The following MBOAT2 variants were observed in gnomAD, a reference collection of about 807,000 sequenced individuals.
The protein encoded by MBOAT2 is membrane-bound glycerophospholipid O-acyltransferase 2.
A neutral mutation model predicts 63.4 loss-of-function variants in MBOAT2; 28 were observed. The observed-to-expected ratio is 0.44, with a 90% confidence interval of 0.33 to 0.61. The LOEUF is 0.61. MBOAT2 is among the 20% of genes least tolerant of loss of function. The probability of loss-of-function intolerance (pLI) is 0.03; values close to 1 mark genes in which losing one functional copy is unlikely to be tolerated. For synonymous variants in MBOAT2, 211 were observed against 215.6 expected, an observed-to-expected ratio of 0.98 and a Z score of 0.19; for missense variants, 470 against 605.8, an observed-to-expected ratio of 0.78 and a Z score of 2.35.
chr2:8,913,480 G>GA (rs564403901), intron 3 of MBOAT2, among the ~76,000 whole-genome samples: 5 of 150,274 alleles, frequency 3.3e-5, no homozygotes, highest in Non-Finnish European at 7.4e-5. Flanking sequence ...CAATCAGTAA[G>GA]AAAAAAAACA....
In MBOAT2 at chr2:8,888,024, G is replaced by A; in HGVS notation, c.445C>T (p.His149Tyr). 2 of 1,612,938 alleles carry A rather than the reference G, an allele frequency of 1.2e-6. No homozygotes were observed. The highest frequency in any genetic ancestry group is 4.5e-5 in the East Asian group (2 of 44,796). Residue 149 changes from histidine (H) to tyrosine (Y), a missense_variant, in exon 5 of 13, where the codon CAT becomes TAT. Physicochemically the swap from His to Tyr is moderately conservative, Grantham distance 83. This residue lies in a region of MBOAT2 where 376 missense variants were observed against 503.8 expected (regional missense o/e 0.75). Coordinates refer to ENST00000305997, the MANE Select transcript of MBOAT2 (RefSeq NM_138799.4). ...TTAATTTCAGAATTCTTACCATCAT[G>A]AATTTCGCAAGCCAAACTAGTGATC... Reference protein sequence around the residue: ...QKITSLACEIHDGMFRKDEEL... With the variant: ...QKITSLACEIYDGMFRKDEEL...
chr2:8,961,266 T>A (rs77611590), intron 1 of MBOAT2, among the ~76,000 whole-genome samples: 242 of 152,320 alleles, frequency 1.6e-3, no homozygotes, highest in African/African-American at 5.6e-3. Context: ...AGTGAGGCAC[T>A]ATCTTCCGCC....
chr2:8,988,135 G>A (rs1671687082), intron 1 of MBOAT2, among the ~76,000 whole-genome samples: 1 of 152,154 alleles, frequency 6.6e-6, no homozygotes, highest in Non-Finnish European at 1.5e-5. Flanking sequence ...AGGTACAGAT[G>A]AACTGAACTT....
intron 3 of MBOAT2, among the ~76,000 whole-genome samples, chr2:8,935,348 T>G (rs547402973): frequency 4.3e-4 from 65 of 152,294 alleles, no homozygotes; most frequent in African/African-American, 1.4e-3. Flanking sequence ...TAGAACAGAA[T>G]ACAACAGATA....
intron 7 of MBOAT2, among the ~76,000 whole-genome samples, chr2:8,876,575 G>T (rs1309264883): frequency 2.0e-5 from 3 of 152,074 alleles, no homozygotes; most frequent in African/African-American, 7.2e-5. Flanking sequence ...AGAGAAGAAA[G>T]ATTTCAACTT....
At chr2:8,869,713 C>G (rs1662174672) in intron 8 of MBOAT2, among the ~76,000 whole-genome samples, 1 of 152,180 alleles carries the variant, frequency 6.6e-6, no homozygotes, top group African/African-American at 2.4e-5. Flanking sequence ...ATATGAGCCT[C>G]TAAGGTAAGC....
Position 8,858,958 on chromosome 2 carries a change from T to C in MBOAT2, c.1338-54A>G, listed in dbSNP as rs531819505. 57 of 1,299,190 alleles carry C rather than the reference T, an allele frequency of 4.4e-5. No homozygotes were observed. In the East Asian group the frequency reaches 1.2e-3, roughly 27 times the overall value. The allele number at this position is 1,299,190 out of a possible 1,614,324, so 80.5% of individuals were successfully genotyped here. A position where few individuals can be genotyped will look rare whatever the true frequency, so the allele number is the denominator to read the frequency against. On this transcript the variant is annotated intron_variant, in intron 12 of 12. Transcript: ENST00000305997. ...AAACTTGATAATTAATAATCCTTAA[T>C]AACTGCACACTTGTCAAAATGTCAC... is the stretch of plus-strand genomic sequence containing the variant.
intron 4 of MBOAT2, among the ~76,000 whole-genome samples, chr2:8,901,605 T>C (rs561283718): frequency 5.9e-5 from 9 of 152,302 alleles, no homozygotes; most frequent in African/African-American, 1.9e-4. Flanking sequence ...TCCTCACTTA[T>C]ATGAATAGGA....
chr2:8,983,262 G>A (rs1671326873), intron 1 of MBOAT2, among the ~76,000 whole-genome samples: 1 of 152,088 alleles, frequency 6.6e-6, no homozygotes, highest in Non-Finnish European at 1.5e-5. Flanking sequence ...CTAAAGTAAG[G>A]AAGAATAAAA....
At chr2:8,955,125 C>G (rs1375462804) in intron 2 of MBOAT2, among the ~76,000 whole-genome samples, 1 of 152,204 alleles carries the variant, frequency 6.6e-6, no homozygotes, top group Non-Finnish European at 1.5e-5. Context: ...AGCAGGTGCT[C>G]TAATCTCTGG....
intron 1 of MBOAT2, among the ~76,000 whole-genome samples, chr2:8,971,649 G>A (rs191972903): frequency 3.2e-4 from 48 of 152,322 alleles, no homozygotes; most frequent in African/African-American, 1.1e-3. Context: ...TCCTTAAGCT[G>A]ATAAGCAACT....
At chr2:8,948,301 A>C (rs1199986629) in intron 2 of MBOAT2, among the ~76,000 whole-genome samples, 1 of 152,228 alleles carries the variant, frequency 6.6e-6, no homozygotes, top group African/African-American at 2.4e-5. Context: ...CTCCTGGTAA[A>C]GATACTGTGA....
chr2:8,986,225 A>C (rs1671555296), intron 1 of MBOAT2, among the ~76,000 whole-genome samples: 1 of 151,826 alleles, frequency 6.6e-6, no homozygotes, highest in Admixed American at 6.6e-5. Context: ...AAAAAAAAAA[A>C]AAGTAAAGTC....
chr2:8,998,760 CT>C (rs1220984410), intron 1 of MBOAT2, among the ~76,000 whole-genome samples: 3 of 152,124 alleles, frequency 2.0e-5, no homozygotes, highest in Non-Finnish European at 4.4e-5. Flanking sequence ...TCAGTGTCGA[CT>C]TCAGGGACCT....
intron 4 of MBOAT2, among the ~76,000 whole-genome samples, chr2:8,895,501 G>A (rs745428563): frequency 5.3e-5 from 8 of 152,106 alleles, no homozygotes; most frequent in South Asian, 2.1e-4. Flanking sequence ...GACACAGAGC[G>A]CTGATTGGTG....
intron 2 of MBOAT2, among the ~76,000 whole-genome samples, chr2:8,945,444 T>C (rs1289927684): frequency 6.6e-6 from 1 of 152,216 alleles, no homozygotes; most frequent in Non-Finnish European, 1.5e-5. Flanking sequence ...TTGATGGGGT[T>C]ATCTAGCACG....
At chr2:8,994,743 C>G (rs1002587021) in intron 1 of MBOAT2, among the ~76,000 whole-genome samples, 1 of 152,026 alleles carries the variant, frequency 6.6e-6, no homozygotes. Context: ...GCAAGATACC[C>G]AAAAAGGGAG....
intron 4 of MBOAT2, among the ~76,000 whole-genome samples, chr2:8,892,070 TAGGATTTGGTTCTATTACAC>T (rs987768998): frequency 2.1e-4 from 32 of 152,318 alleles, no homozygotes; most frequent in African/African-American, 7.2e-4. Flanking sequence ...ACAAGAATAG[TAGGATTTGGTTCTATTACAC>T]AGTAAAACTC....
intron 3 of MBOAT2, among the ~76,000 whole-genome samples, chr2:8,916,715 G>A (rs908641829): frequency 6.6e-6 from 1 of 152,224 alleles, no homozygotes; most frequent in African/African-American, 2.4e-5. Flanking sequence ...AAGGTTCTCA[G>A]GCTTAGACGG....
Sources: gnomAD v4.1 joint callset for allele counts (sites outside exome capture counted in the v4.1 genomes callset) on GRCh38, gnomAD v4.1.1 for gene constraint, gnomAD v4.1.1 regional missense constraint, MANE v1.5 for transcripts, NCBI Gene and HGNC (gene_info 2026-07-23, HGNC 2026-07-21) for gene names.